Variants in ALDH1A2 observed in about 807,000 individuals in gnomAD.
ALDH1A2 encodes retinal dehydrogenase 2.
In ALDH1A2, 27 loss-of-function variants were observed where a neutral mutation model predicts 60.3. That is an observed-to-expected ratio of 0.45 (90% CI 0.33 to 0.62). The LOEUF (loss-of-function observed/expected upper bound fraction) is 0.62. ALDH1A2 is among the 20% of genes least tolerant of loss of function. The pLI, the probability that ALDH1A2 is intolerant of heterozygous loss-of-function variation, is 0.02. For missense variants in ALDH1A2, 581 were observed against 643.8 expected, an observed-to-expected ratio of 0.90 and a Z score of 1.06; for synonymous variants, 289 against 232.4, an observed-to-expected ratio of 1.24 and a Z score of -2.21.
chr15:58,018,660 T>C (rs1161178503), intron 1 of ALDH1A2, among the ~76,000 whole-genome samples: 1 of 152,136 alleles, frequency 6.6e-6, no homozygotes, highest in Non-Finnish European at 1.5e-5. Context: ...TCACCAGCAA[T>C]GGGACAAATT....
chr15:57,988,757 C>T (rs1894795414), intron 7 of ALDH1A2, among the ~76,000 whole-genome samples: 1 of 152,218 alleles, frequency 6.6e-6, no homozygotes, highest in Non-Finnish European at 1.5e-5. Flanking sequence ...AGTGGCAAAA[C>T]AGATTTGAAC....
At chr15:57,975,138 T>G (rs1894204379) in intron 7 of ALDH1A2, among the ~76,000 whole-genome samples, 1 of 152,224 alleles carries the variant, frequency 6.6e-6, no homozygotes, top group Admixed American at 6.5e-5. Flanking sequence ...GTATAACCGA[T>G]TTGGAAAACA....
At chr15:58,005,557 T>C (rs1399038160) in intron 4 of ALDH1A2, among the ~76,000 whole-genome samples, 2 of 152,006 alleles carry the variant, frequency 1.3e-5, no homozygotes. Flanking sequence ...TACCTTTCCC[T>C]AGCCTTCCCA....
chr15:58,029,998 C>G (rs1817667681), intron 1 of ALDH1A2, among the ~76,000 whole-genome samples: 1 of 152,114 alleles, frequency 6.6e-6, no homozygotes, highest in Non-Finnish European at 1.5e-5. Flanking sequence ...GAAACTATTC[C>G]AATCAATAGA....
intron 1 of ALDH1A2, among the ~76,000 whole-genome samples, chr15:58,053,379 C>T (rs1168742996): frequency 6.6e-6 from 1 of 152,060 alleles, no homozygotes; most frequent in Admixed American, 6.6e-5. Flanking sequence ...AAAAAGCATG[C>T]TATCATTTTA....
intron 1 of ALDH1A2, among the ~76,000 whole-genome samples, chr15:58,032,981 C>T (rs769636780): frequency 6.6e-6 from 1 of 151,698 alleles, no homozygotes; most frequent in African/African-American, 2.4e-5. Context: ...GAACACATAG[C>T]GGTAATGTAA....
intron 1 of ALDH1A2, among the ~76,000 whole-genome samples, chr15:58,053,323 G>A (rs578139283): frequency 1.3e-5 from 2 of 152,172 alleles, no homozygotes; most frequent in African/African-American, 4.8e-5. Flanking sequence ...ACTAAAATTG[G>A]TGTGGAATTT....
intron 1 of ALDH1A2, chr15:58,065,274 G>A: frequency 2.0e-6 from 1 of 509,298 alleles, no homozygotes; most frequent in Admixed American, 3.3e-5. Context: ...TCAGAGTCCG[G>A]GGCAGGAGCC....
intron 1 of ALDH1A2, 21 bp downstream of exon 1, chr15:58,065,513 G>T (rs775485161): frequency 1.3e-6 from 2 of 1,586,140 alleles, no homozygotes; most frequent in Admixed American, 1.7e-5. Flanking sequence ...CGTGGACGAC[G>T]GGCGCTGGGC....
intron 12 of ALDH1A2, among the ~76,000 whole-genome samples, chr15:57,960,020 A>G (rs1274710644): frequency 6.6e-6 from 1 of 152,118 alleles, no homozygotes; most frequent in African/African-American, 2.4e-5. Flanking sequence ...CCTCTTCTTG[A>G]AAGGCTGACA....
At chr15:58,029,252 G>A (rs998124046) in intron 1 of ALDH1A2, among the ~76,000 whole-genome samples, 19 of 152,162 alleles carry the variant, frequency 1.2e-4, no homozygotes, top group Middle Eastern at 3.4e-3. Context: ...ACTCAAAACC[G>A]CATAACTACA....
intron 1 of ALDH1A2, among the ~76,000 whole-genome samples, chr15:58,037,478 A>C (rs577101473): frequency 1.3e-4 from 19 of 151,750 alleles, no homozygotes; most frequent in Non-Finnish European, 2.8e-4. Flanking sequence ...TTCAATACTT[A>C]AACTATTCAA....
chr15:58,032,569 G>A (rs924179771), intron 1 of ALDH1A2, among the ~76,000 whole-genome samples: 1 of 151,978 alleles, frequency 6.6e-6, no homozygotes. Flanking sequence ...TCTTGTATAT[G>A]GCTGGTGGGA....
At chr15:58,060,549 GT>G (rs1897004080) in intron 1 of ALDH1A2, among the ~76,000 whole-genome samples, 1 of 128,330 alleles carries the variant, frequency 7.8e-6, no homozygotes. Flanking sequence ...AAATGTAACT[GT>G]CCATGTAGCT....
At chr15:57,999,741 C>G (rs551024266) in intron 4 of ALDH1A2, among the ~76,000 whole-genome samples, 2 of 151,978 alleles carry the variant, frequency 1.3e-5, no homozygotes, top group African/African-American at 2.4e-5. Flanking sequence ...ATAAATCATT[C>G]TGTTATAAAG....
intron 7 of ALDH1A2, among the ~76,000 whole-genome samples, chr15:57,977,109 T>TC (rs1339671362): frequency 6.7e-6 from 1 of 148,154 alleles, no homozygotes; most frequent in Non-Finnish European, 1.5e-5. Flanking sequence ...TTTTTTTTTT[T>TC]CTTGTAAACT....
chr15:58,024,095 A>G (rs1896007343), intron 1 of ALDH1A2, among the ~76,000 whole-genome samples: 1 of 150,260 alleles, frequency 6.7e-6, no homozygotes, highest in Non-Finnish European at 1.5e-5. Flanking sequence ...TTCCATCTCA[A>G]AAAAAATGCT....
intron 7 of ALDH1A2, among the ~76,000 whole-genome samples, chr15:57,986,722 G>C (rs1894716485): frequency 2.0e-5 from 3 of 152,074 alleles, no homozygotes; most frequent in African/African-American, 7.2e-5. Context: ...GCCCAGGCTG[G>C]AGTGCGGTGG....
intron 3 of ALDH1A2, among the ~76,000 whole-genome samples, chr15:58,013,453 C>G (rs1444591042): frequency 6.6e-6 from 1 of 152,174 alleles, no homozygotes; most frequent in South Asian, 2.1e-4. Flanking sequence ...CCTTCTCCAT[C>G]TGATCCCCAA....
Sources: allele counts gnomAD v4.1 joint callset (sites outside exome capture counted in the v4.1 genomes callset), GRCh38; gene constraint gnomAD v4.1.1; transcripts MANE v1.5; gene names NCBI Gene and HGNC (gene_info 2026-07-23, HGNC 2026-07-21).